Variants in CA10 observed in about 807,000 individuals in gnomAD.
The protein encoded by CA10 is carbonic anhydrase 10 (inactive), also known as carbonic anhydrase-related protein 10.
CA10 carries 14 observed loss-of-function variants against 44.2 expected under a neutral mutation model. That is an observed-to-expected ratio of 0.32 (90% CI 0.21 to 0.50). The LOEUF (loss-of-function observed/expected upper bound fraction) is 0.50, where lower values mean the gene tolerates loss of function less well. CA10 is among the 20% of genes least tolerant of loss of function. The probability of loss-of-function intolerance (pLI) is 0.99; values close to 1 mark genes in which losing one functional copy is unlikely to be tolerated. For synonymous variants in CA10, 159 were observed against 141.6 expected (o/e 1.12, Z -0.87); for missense variants, 350 against 409.7 (o/e 0.85, Z 1.26).
intron 3 of CA10, among the ~76,000 whole-genome samples, chr17:51,750,496 CTTTCACTT>C (rs1167746258): frequency 8.0e-6 from 1 of 124,654 alleles, no homozygotes; most frequent in Non-Finnish European, 1.9e-5. Flanking sequence ...CTTTACAGCC[CTTTCACTT>C]TTTCATTATT....
At chr17:51,847,689 G>C (rs970936900) in intron 3 of CA10, among the ~76,000 whole-genome samples, 3 of 152,164 alleles carry the variant, frequency 2.0e-5, no homozygotes, top group Admixed American at 1.3e-4. Context: ...TATGGTATTT[G>C]TGCAGCATGC....
At chr17:51,967,073 CAACA>C (rs1233246518) in intron 2 of CA10, among the ~76,000 whole-genome samples, 2 of 151,470 alleles carry the variant, frequency 1.3e-5, no homozygotes, top group Admixed American at 6.6e-5. Flanking sequence ...CAAAAGAAGA[CAACA>C]AACATATGAA....
At chr17:52,029,801 A>C (rs116957971) in intron 2 of CA10, among the ~76,000 whole-genome samples, 2 of 152,356 alleles carry the variant, frequency 1.3e-5, no homozygotes, top group East Asian at 3.9e-4. Context: ...TAAGAAACTT[A>C]TAACTCCTTA....
intron 1 of CA10, among the ~76,000 whole-genome samples, chr17:52,087,996 A>T (rs1229272543): frequency 6.6e-6 from 1 of 152,160 alleles, no homozygotes; most frequent in Non-Finnish European, 1.5e-5. Context: ...ACCAAATACC[A>T]CATGTTTTCA....
chr17:51,961,958 C>G (rs60285655), intron 2 of CA10, among the ~76,000 whole-genome samples: 10,175 of 152,120 alleles, frequency 0.067, 955 homozygotes, highest in African/African-American at 0.21. Flanking sequence ...CCACTTCATG[C>G]CCAAGCAGAT....
At chr17:52,106,992 T>G (rs1988674868) in intron 1 of CA10, among the ~76,000 whole-genome samples, 1 of 152,144 alleles carries the variant, frequency 6.6e-6, no homozygotes, top group South Asian at 2.1e-4. Context: ...AAACCCCAAA[T>G]TGTCTACTCT....
intron 2 of CA10, among the ~76,000 whole-genome samples, chr17:51,944,112 G>A (rs1341729856): frequency 6.6e-6 from 1 of 152,130 alleles, no homozygotes; most frequent in Non-Finnish European, 1.5e-5. Flanking sequence ...GAAAAAGAAT[G>A]TCTTAGATGG....
At chr17:51,822,430 AAAC>A (rs1907846853) in intron 3 of CA10, among the ~76,000 whole-genome samples, 1 of 148,714 alleles carries the variant, frequency 6.7e-6, no homozygotes. Context: ...AACAAAACAA[AAAC>A]AAAAACAAAA....
intron 2 of CA10, among the ~76,000 whole-genome samples, chr17:51,946,635 T>G (rs1983283974): frequency 6.6e-6 from 1 of 152,130 alleles, no homozygotes; most frequent in African/African-American, 2.4e-5. Flanking sequence ...CATTCAAATC[T>G]TACTCATTTT....
intron 2 of CA10, among the ~76,000 whole-genome samples, chr17:52,021,282 T>C (rs1248486668): frequency 1.3e-5 from 2 of 152,074 alleles, no homozygotes; most frequent in African/African-American, 4.8e-5. Flanking sequence ...GAGTATAGGT[T>C]TCTTTTTGGG....
chr17:51,895,984 A>G (rs530557788), intron 3 of CA10, among the ~76,000 whole-genome samples: 1 of 152,256 alleles, frequency 6.6e-6, no homozygotes, highest in Non-Finnish European at 1.5e-5. Context: ...GAATTTTTCT[A>G]AACTATTCTA....
At chr17:51,826,934 C>A (rs779969096) in intron 3 of CA10, among the ~76,000 whole-genome samples, 2 of 152,194 alleles carry the variant, frequency 1.3e-5, no homozygotes, top group African/African-American at 4.8e-5. Context: ...TTTCTCTACA[C>A]CCTGCACACA....
At chr17:51,766,030 A>G (rs1172505879) in intron 3 of CA10, among the ~76,000 whole-genome samples, 2 of 152,126 alleles carry the variant, frequency 1.3e-5, no homozygotes, top group Non-Finnish European at 2.9e-5. Context: ...CGGGCAGCAA[A>G]AGGGTTCAGG....
chr17:52,073,098 T>C (rs1987728653), intron 1 of CA10, among the ~76,000 whole-genome samples: 1 of 152,212 alleles, frequency 6.6e-6, no homozygotes, highest in Non-Finnish European at 1.5e-5. Context: ...CATAAATTTA[T>C]GCTTATCCCT....
At chr17:52,025,435 C>T (rs570208299) in intron 2 of CA10, among the ~76,000 whole-genome samples, 1 of 151,992 alleles carries the variant, frequency 6.6e-6, no homozygotes, top group Non-Finnish European at 1.5e-5. Flanking sequence ...GCAAGGACTC[C>T]AAGGAGAAAC....
chr17:51,661,172 T>C (rs1002979042), intron 4 of CA10, among the ~76,000 whole-genome samples: 4 of 152,188 alleles, frequency 2.6e-5, no homozygotes. Flanking sequence ...ATGGGCTCTA[T>C]CTTATTGGCC....
At chr17:51,703,861 G>A (rs1391797131) in intron 4 of CA10, among the ~76,000 whole-genome samples, 3 of 152,134 alleles carry the variant, frequency 2.0e-5, no homozygotes, top group East Asian at 1.9e-4. Flanking sequence ...AACCGGTCCC[G>A]GGCTGCTTGC....
At chr17:52,132,178 A>G (rs966322765) in intron 1 of CA10, among the ~76,000 whole-genome samples, 1 of 152,116 alleles carries the variant, frequency 6.6e-6, no homozygotes, top group Admixed American at 6.6e-5. Context: ...TATAATAATA[A>G]TAAAAAAAGA....
At chr17:51,992,564 G>A (rs1037917139) in intron 2 of CA10, among the ~76,000 whole-genome samples, 2 of 152,020 alleles carry the variant, frequency 1.3e-5, no homozygotes, top group Non-Finnish European at 2.9e-5. Flanking sequence ...AGCACATTAG[G>A]CATAGTTCTT....
Sources: allele counts gnomAD v4.1 joint callset (sites outside exome capture counted in the v4.1 genomes callset), GRCh38; gene constraint gnomAD v4.1.1; transcripts MANE v1.5; gene names NCBI Gene and HGNC (gene_info 2026-07-23, HGNC 2026-07-21).